Variants in PCNT observed in about 807,000 individuals in gnomAD.
PCNT encodes kendrin.
In PCNT, 319 loss-of-function variants were observed where a neutral mutation model predicts 380.4. That is an observed-to-expected ratio of 0.84 (90% CI 0.77 to 0.92). The LOEUF (loss-of-function observed/expected upper bound fraction) is 0.92. Among genes scored for constraint, PCNT ranks in the 40% least tolerant of loss-of-function variants. The pLI is 0.00. For missense variants in PCNT, 4,400 were observed against 4,255.3 expected (o/e 1.03, Z -0.95); for synonymous variants, 1,845 against 1,735.2 (o/e 1.06, Z -1.57).
intron 16 of PCNT, among the ~76,000 whole-genome samples, chr21:46,383,488 C>T (rs1163274264): frequency 7.0e-6 from 1 of 142,046 alleles, no homozygotes; most frequent in African/African-American, 2.6e-5. Flanking sequence ...GTTGTATATT[C>T]AGTGGCGGAA....
At chr21:46,401,399 T>G in intron 25 of PCNT, 152 bp from the exon 26 acceptor site, 1 of 680,278 alleles carries the variant, frequency 1.5e-6, no homozygotes. Flanking sequence ...TGGGTGCCAG[T>G]GTTGCCTGGT....
rs751362533 is a variant in PCNT at position 46,411,173 on chromosome 21, T to C, written c.5116-16T>C. On this transcript the variant is annotated splice_polypyrimidine_tract_variant and intron_variant, in intron 27 of 46. Transcript: ENST00000359568. ...GGATACATTTAATTTGCCTCTGAAA[T>C]GTCCTCTCTCTTCAGGTCATATATA... The C allele has an allele frequency of 6.2e-7, 1 of 1,612,954 alleles. No individual in the cohort carries two copies.
Position 46,326,493 on chromosome 21 carries a change from C to G in PCNT, c.171C>G (p.Thr57=), listed in dbSNP as rs745485046. The G allele has an allele frequency of 6.2e-7, 1 of 1,614,196 alleles. No individual in the cohort carries two copies. Among genetic ancestry groups the G allele is most frequent in the Non-Finnish European group, 8.5e-7 (1 of 1,180,042 alleles). Residue 57 remains threonine (T), a synonymous_variant, in exon 2 of 47, where the codon ACC becomes ACG. Transcript: ENST00000359568. ...CTGTCCAGGAGGAGAGTCCGGTAACCAAGGAGGACAGCGCACTCTGTGGAG... is the reference window on the plus strand; with the variant it reads ...CTGTCCAGGAGGAGAGTCCGGTAACGAAGGAGGACAGCGCACTCTGTGGAG... The part of the protein sequence containing the change: ...DASVQEESPV[T]KEDSALCGGG...
chr21:46,371,397 A>G (rs1019019294), intron 15 of PCNT, among the ~76,000 whole-genome samples: 4 of 151,962 alleles, frequency 2.6e-5, no homozygotes, highest in Admixed American at 6.5e-5. Context: ...TTTGTCTCCC[A>G]GGCTGGTCTT....
In PCNT at chr21:46,381,999, A is replaced by G. The variant is rs76874771; in HGVS notation, c.3312+159A>G. On this transcript the variant is annotated intron_variant, in intron 16 of 46. Transcript: ENST00000359568. ...GGCGGAAGCGCATTCACAGTGTTGT[A>G]GATTCAGTGGCGGAAGCGCATTCAC... Among the ~76,000 whole-genome samples, 11,768 of 138,268 alleles carry G rather than the reference A, an allele frequency of 0.085. 857 individuals carry two copies. Among genetic ancestry groups the G allele is most frequent in the South Asian group, 0.14 (553 of 4,038 alleles). 90.7% of individuals were successfully genotyped at this position (138,268 alleles called of 152,430 possible).
chr21:46,429,926 C>A, intron 35 of PCNT, 84 bp from the exon 36 acceptor site: 1 of 1,089,270 alleles, frequency 9.2e-7, no homozygotes, highest in Non-Finnish European at 1.4e-6. Flanking sequence ...CCTCACGCCC[C>A]CACGAGTCTG....
In PCNT at chr21:46,366,514, C is replaced by G. The variant is rs1271395461; in HGVS notation, c.2610-70C>G. On this transcript the variant is annotated intron_variant, in intron 14 of 46. Transcript: ENST00000359568. ...AGTGGCATTTCCTGTGGGAAACTGA[C>G]TTGGCTTTTGCAAGGGTCATTGCTT... The G allele has an allele frequency of 4.6e-6, 6 of 1,315,930 alleles. No individual in the cohort carries two copies. The South Asian group carries it at 7.1e-5, about 16-fold the overall frequency. The allele number at this position is 1,315,930 out of a possible 1,614,324, so 81.5% of individuals were successfully genotyped here.
In PCNT at chr21:46,381,591, G is replaced by T. The variant is rs904132419; in HGVS notation, c.3166-103G>T. The T allele has an allele frequency of 2.7e-5, 29 of 1,055,942 alleles. No individual in the cohort carries two copies. In the Admixed American group the frequency reaches 3.4e-4, roughly 12 times the overall value. 65.4% of individuals were successfully genotyped at this position (1,055,942 alleles called of 1,614,324 possible). On this transcript the variant is annotated intron_variant, in intron 15 of 46. Coordinates refer to ENST00000359568, the MANE Select transcript of PCNT (RefSeq NM_006031.6). Reference sequence around the variant, plus strand: ...CTCATCCCGGCTCTTGGTGCAGAGTGGGGGCTCCATGCATATCTGCTGAAT... The same window carrying T: ...CTCATCCCGGCTCTTGGTGCAGAGTTGGGGCTCCATGCATATCTGCTGAAT...
At chr21:46,415,365 A>ATTTTTTTTTTTTTTTTTTTTTTTTTTT (rs35983555) in intron 29 of PCNT, among the ~76,000 whole-genome samples, 1 of 65,284 alleles carries the variant, frequency 1.5e-5, no homozygotes, top group Non-Finnish European at 2.6e-5. Context: ...GTTTCTTTGA[A>ATTTTTTTTTTTTTTTTTTTTTTTTTTT]TTTTTTTTTT....
At position 46,416,484 on chromosome 21, in the gene PCNT, C is replaced by T. The variant is rs1569277993; in HGVS notation, c.6566C>T (p.Ser2189Phe). 6.2e-7 allele frequency: 1 copy of T among 1,614,128 alleles called. No homozygotes were observed. Among genetic ancestry groups the T allele is most frequent in the Non-Finnish European group, 8.5e-7 (1 of 1,180,030 alleles). ...IQEKSECQDM[S>F]LSSPTSVLGG... ...GAAAAATCAGAATGTCAGGACATGT[C>T]TCTTTCTTCACCGACCAGCGTACTT... Residue 2189 changes from serine (S) to phenylalanine (F), a missense_variant, in exon 30 of 47, where the codon TCT becomes TTT. Coordinates refer to ENST00000359568, the MANE Select transcript of PCNT (RefSeq NM_006031.6).
intron 12 of PCNT, among the ~76,000 whole-genome samples, chr21:46,356,402 G>A (rs2084478972): frequency 1.3e-5 from 2 of 152,252 alleles, no homozygotes; most frequent in Non-Finnish European, 2.9e-5. Flanking sequence ...TGTCCCCACA[G>A]CCACCCCTTG....
At chr21:46,353,760 CAG>C (rs200721092) in intron 10 of PCNT, among the ~76,000 whole-genome samples, 50 of 129,580 alleles carry the variant, frequency 3.9e-4, no homozygotes, top group African/African-American at 1.1e-3. Flanking sequence ...GTGAGAGAGA[CAG>C]AGAGAGAGTC....
At chr21:46,423,271 A>C (rs1035939959) in intron 32 of PCNT, among the ~76,000 whole-genome samples, 9 of 151,246 alleles carry the variant, frequency 6.0e-5, no homozygotes, top group Non-Finnish European at 1.3e-4. Context: ...GCTCACTGCA[A>C]CCTCTGCCTC....
chr21:46,413,276 G>GGTGCAGA (rs1569272597), intron 29 of PCNT, among the ~76,000 whole-genome samples: 8 of 118,874 alleles, frequency 6.7e-5, no homozygotes, highest in Admixed American at 2.3e-4. Flanking sequence ...GGAGAGGCTG[G>GGTGCAGA]ACACGCGGCA....
intron 6 of PCNT, among the ~76,000 whole-genome samples, chr21:46,348,008 T>C (rs1203743817): frequency 6.6e-6 from 1 of 152,242 alleles, no homozygotes. Flanking sequence ...TCAGCCATGC[T>C]GAGTGTGGAG....
chr21:46,440,761 G>C (rs1357341956), intron 42 of PCNT, 94 bp from the exon 43 acceptor site: 1 of 821,276 alleles, frequency 1.2e-6, no homozygotes, highest in African/African-American at 1.7e-5. Context: ...AAAACAATCT[G>C]ACTCTTTGGA....
At chr21:46,326,636 T>G in intron 2 of PCNT, 47 bp downstream of exon 2, 10 of 1,549,732 alleles carry the variant, frequency 6.5e-6, no homozygotes, top group Non-Finnish European at 8.0e-6. Flanking sequence ...TATCTTCTAG[T>G]GATTTCTAGT....
intron 15 of PCNT, among the ~76,000 whole-genome samples, chr21:46,372,789 G>T (rs1193119043): frequency 6.6e-6 from 1 of 152,212 alleles, no homozygotes; most frequent in Non-Finnish European, 1.5e-5. Flanking sequence ...GTGCTGCCCA[G>T]TGTGGACACT....
intron 21 of PCNT, among the ~76,000 whole-genome samples, chr21:46,391,999 G>A (rs881923): frequency 0.13 from 19,610 of 152,230 alleles, 3,524 homozygotes; most frequent in African/African-American, 0.41. Flanking sequence ...CCGTGGCCTC[G>A]GGGTCATCCC....
Sources: gnomAD v4.1 joint callset for allele counts (sites outside exome capture counted in the v4.1 genomes callset) on GRCh38, gnomAD v4.1.1 for gene constraint, MANE v1.5 for transcripts, NCBI Gene and HGNC (gene_info 2026-07-23, HGNC 2026-07-21) for gene names.